Variants in MCCC1 observed in about 807,000 individuals in gnomAD.
MCCC1 encodes methylcrotonoyl-CoA carboxylase subunit alpha, mitochondrial.
A neutral mutation model predicts 83.8 loss-of-function variants in MCCC1; 64 were observed. The ratio of observed to expected loss-of-function variants is 0.76; its 90% CI spans 0.62 to 0.94. The LOEUF (loss-of-function observed/expected upper bound fraction) is 0.94. Ranked by LOEUF, MCCC1 falls within the 40% of genes least tolerant of loss-of-function variation. MCCC1 has a pLI of 0.00. For synonymous variants in MCCC1, 322 were observed against 315.4 expected (o/e 1.02, Z -0.22); for missense variants, 807 against 904.7 (o/e 0.89, Z 1.39).
chr3:183,036,537 CTTTTTTTTTTTT>C (rs11411314), intron 13 of MCCC1, among the ~76,000 whole-genome samples: 1 of 117,682 alleles, frequency 8.5e-6, no homozygotes, highest in Non-Finnish European at 1.7e-5. Context: ...GATCCATTTC[CTTTTTTTTTTTT>C]TTTTTTTTTA....
At chr3:183,050,745 G>A (rs1714915822) in intron 9 of MCCC1, among the ~76,000 whole-genome samples, 4 of 149,322 alleles carry the variant, frequency 2.7e-5, no homozygotes, top group Admixed American at 2.0e-4. Flanking sequence ...AAGTTGAGAA[G>A]TGAAGACAAG....
At chr3:183,018,511 G>T (rs192606475) in intron 17 of MCCC1, among the ~76,000 whole-genome samples, 1 of 143,386 alleles carries the variant, frequency 7.0e-6, no homozygotes. Context: ...CAGCCCAAAT[G>T]CACTAGTCAA....
chr3:183,020,786 G>A (rs1278372445), intron 16 of MCCC1, among the ~76,000 whole-genome samples: 4 of 151,886 alleles, frequency 2.6e-5, no homozygotes, highest in Admixed American at 2.0e-4. Context: ...TAGGCTGGGC[G>A]CCGTGGCTCA....
At chr3:183,100,329 A>G (rs533006386), upstream of MCCC1, among the ~76,000 whole-genome samples, 87 of 152,362 alleles carry the variant, frequency 5.7e-4, no homozygotes, top group Non-Finnish European at 1.1e-3. Context: ...ATCAAAATAG[A>G]TCCTGGAAGA....
chr3:183,060,196 G>A (rs373348833), intron 7 of MCCC1, among the ~76,000 whole-genome samples: 9 of 151,958 alleles, frequency 5.9e-5, no homozygotes, highest in Non-Finnish European at 1.2e-4. Context: ...TTCCGTTTGG[G>A]AAAGTTCTAT....
At chr3:183,101,851 C>T (rs1305615286), upstream of MCCC1, among the ~76,000 whole-genome samples, 2 of 152,072 alleles carry the variant, frequency 1.3e-5, no homozygotes, top group Non-Finnish European at 2.9e-5. Flanking sequence ...AGCGAGACCA[C>T]GAGCCCACCG....
intron 5 of MCCC1, 56 bp from the exon 6 acceptor site, chr3:183,071,413 A>C (rs1361046431): frequency 1.2e-6 from 2 of 1,611,780 alleles, no homozygotes; most frequent in African/African-American, 2.7e-5. Context: ...ATTTCATTCA[A>C]GACAAACATA....
rs368541509 is a variant in MCCC1 at position 183,052,282 on chromosome 3, C to G, written c.874-42G>C. 1.4e-4 allele frequency: 221 copies of G among 1,558,334 alleles called. 1 individual carries two copies. Among genetic ancestry groups the G allele is most frequent in the Non-Finnish European group, 1.7e-4 (191 of 1,130,340 alleles). On this transcript the variant is annotated intron_variant, in intron 8 of 18. Coordinates refer to ENST00000265594, the MANE Select transcript of MCCC1 (RefSeq NM_020166.5). ...TAAATAAATCTCCATTAGTAGCTTG[C>G]CTTACTAGAAATTCCATTAAAATTC...
At chr3:183,076,234 T>A (rs1717062433) in intron 4 of MCCC1, among the ~76,000 whole-genome samples, 1 of 152,198 alleles carries the variant, frequency 6.6e-6, no homozygotes, top group Admixed American at 6.5e-5. Context: ...ACTGACTTGT[T>A]GTCTCTATAG....
At chr3:183,059,953 T>G (rs1031059790) in intron 7 of MCCC1, among the ~76,000 whole-genome samples, 1 of 152,214 alleles carries the variant, frequency 6.6e-6, no homozygotes, top group Admixed American at 6.5e-5. Flanking sequence ...TGTGCATAGA[T>G]GTATATATTT....
intron 14 of MCCC1, among the ~76,000 whole-genome samples, chr3:183,026,769 C>T (rs540171754): frequency 2.0e-5 from 3 of 152,266 alleles, no homozygotes; most frequent in East Asian, 1.9e-4. Flanking sequence ...ATGGAATCTG[C>T]CACCTGATCA....
At chr3:183,109,791 A>G (rs984562632) in intron 1 of MCCC1, among the ~76,000 whole-genome samples, 1 of 152,242 alleles carries the variant, frequency 6.6e-6, no homozygotes, top group Non-Finnish European at 1.5e-5. Flanking sequence ...TTGCTGGGTC[A>G]TATGGTAGTT....
chr3:183,025,934 CT>C, intron 14 of MCCC1, 130 bp from the exon 15 acceptor site: 1 of 755,022 alleles, frequency 1.3e-6, no homozygotes, highest in Non-Finnish European at 2.2e-6. Context: ...CAACTTTGAA[CT>C]TCTTGGAAAT....
chr3:183,110,827 G>A (rs1245042452), intron 1 of MCCC1, among the ~76,000 whole-genome samples: 1 of 152,168 alleles, frequency 6.6e-6, no homozygotes, highest in African/African-American at 2.4e-5. Flanking sequence ...ATGGAGAAAG[G>A]TAGGGATCTA....
intron 3 of MCCC1, among the ~76,000 whole-genome samples, chr3:183,091,446 G>C (rs552854007): frequency 6.6e-6 from 1 of 152,032 alleles, no homozygotes; most frequent in African/African-American, 2.4e-5. Flanking sequence ...GTGTGTGTCT[G>C]TAATCCAGCT....
chr3:183,053,804 CA>C (rs556209665), intron 8 of MCCC1, among the ~76,000 whole-genome samples: 3 of 62,852 alleles, frequency 4.8e-5, no homozygotes, highest in South Asian at 5.7e-4. Context: ...GGCTCTGTCT[CA>C]AAAAAAAAAC....
At chr3:183,103,649 C>T (rs1370739460), upstream of MCCC1, among the ~76,000 whole-genome samples, 1 of 152,216 alleles carries the variant, frequency 6.6e-6, no homozygotes, top group Non-Finnish European at 1.5e-5. Context: ...AGGTTCTCCA[C>T]GTCCCCACCA....
chr3:183,040,616 G>A (rs533643697), intron 11 of MCCC1, among the ~76,000 whole-genome samples: 10 of 150,964 alleles, frequency 6.6e-5, no homozygotes, highest in East Asian at 1.9e-4. Flanking sequence ...CCAGCTACTC[G>A]GGAGGCTGAG....
chr3:183,082,169 G>A (rs917290072), intron 4 of MCCC1, among the ~76,000 whole-genome samples: 11 of 152,154 alleles, frequency 7.2e-5, no homozygotes, highest in Admixed American at 2.0e-4. Flanking sequence ...CCCTGGGACC[G>A]GACACCAAGA....
Sources: allele counts gnomAD v4.1 joint callset (sites outside exome capture counted in the v4.1 genomes callset), GRCh38; gene constraint gnomAD v4.1.1; transcripts MANE v1.5; gene names NCBI Gene and HGNC (gene_info 2026-07-23, HGNC 2026-07-21).